The following ITIH6 variants were observed in gnomAD, a reference collection of about 807,000 sequenced individuals.
The protein encoded by ITIH6 is inter-alpha-trypsin inhibitor heavy chain H6.
ITIH6 carries 60 observed loss-of-function variants against 58.2 expected under a neutral mutation model. That is an observed-to-expected ratio of 1.03 (90% confidence interval 0.84 to 1.28). The LOEUF (loss-of-function observed/expected upper bound fraction) is 1.28, where lower values mean the gene tolerates loss of function less well. Among genes scored for constraint, ITIH6 ranks in the 50% most tolerant of loss-of-function variants. The pLI, the probability that ITIH6 is intolerant of heterozygous loss-of-function variation, is 0.00. For missense variants in ITIH6, 1,290 were observed against 1,021.1 expected (o/e 1.26, Z -3.59); for synonymous variants, 493 against 417.4 (o/e 1.18, Z -2.21).
chrX:54,767,602 G>A (rs1381496796), intron 6 of ITIH6, among the ~76,000 whole-genome samples: 13 of 100,589 alleles, frequency 1.3e-4, no homozygotes, highest in Admixed American at 4.3e-4. Flanking sequence ...CTTTGTTCTC[G>A]TTGGTTTCAA....
rs748238426 is a variant in ITIH6, at chrX:54,757,158, G to T, written c.2916C>A (p.Ser972Arg). 1 of 1,210,941 alleles carries T rather than the reference G, an allele frequency of 8.3e-7. No homozygotes were observed. Among genetic ancestry groups the T allele is most frequent in the East Asian group, 3.0e-5 (1 of 33,825 alleles). ...GGCTGCCTTCTGGTGTAGGCCTGGA[G>T]CTGTTGAGTAGGCTCATTGTTGGAA... ...PGVPTMSLLN[S>R]SRPTPEGSPP... The change falls in exon 8 of 13, where the codon AGC (serine) becomes AGA (arginine). Residue 972 changes from serine to arginine, a missense_variant. Ser to Arg is a moderately radical substitution (Grantham distance 110, BLOSUM62 -1). Transcript: ENST00000218436.
Position 54,753,982 on chromosome X carries a change from G to A in ITIH6, c.3203-17C>T, listed in dbSNP as rs1302595943. 8.3e-7 allele frequency: 1 copy of A among 1,204,541 alleles called. No individual in the cohort carries two copies. Among genetic ancestry groups the A allele is most frequent in the Admixed American group, 2.2e-5 (1 of 45,941 alleles). On this transcript the variant is annotated splice_polypyrimidine_tract_variant and intron_variant, in intron 9 of 12. Coordinates refer to ENST00000218436, the MANE Select transcript of ITIH6 (RefSeq NM_198510.3). ...GCAATGTGCCTGCAAAGGAGAGAGAGACTGTGTTGGGAAGGGACTAATGTA... is the reference window on the plus strand; with the variant it reads ...GCAATGTGCCTGCAAAGGAGAGAGAAACTGTGTTGGGAAGGGACTAATGTA...
chrX:54,792,995 C>T (rs535568649), intron 2 of ITIH6, among the ~76,000 whole-genome samples: 2 of 110,743 alleles, frequency 1.8e-5, no homozygotes, highest in East Asian at 5.7e-4. Context: ...CTTCTGTCCT[C>T]TATTCTTTCT....
intron 6 of ITIH6, among the ~76,000 whole-genome samples, chrX:54,771,173 T>C (rs751058083): frequency 1.8e-5 from 2 of 111,088 alleles, no homozygotes; most frequent in Admixed American, 9.6e-5. Context: ...GATTGTTTAG[T>C]ATTTATCCTG....
intron 8 of ITIH6, 116 bp downstream of exon 8, chrX:54,756,847 AGC>A (rs1191185161): frequency 8.7e-6 from 4 of 459,774 alleles, no homozygotes; most frequent in Non-Finnish European, 1.4e-5. Flanking sequence ...CAAGCAAGCA[AGC>A]AAGGAAGCAG....
chrX:54,765,672 C>T (rs1185776999), intron 6 of ITIH6, among the ~76,000 whole-genome samples: 7 of 105,501 alleles, frequency 6.6e-5, no homozygotes, highest in South Asian at 8.8e-4. Context: ...GGTGCAATCT[C>T]GGCTCACTGC....
In ITIH6 at chrX:54,791,150, A is replaced by G. The variant is rs1929342284; in HGVS notation, c.369-66T>C. On this transcript the variant is annotated intron_variant, in intron 3 of 12. Transcript: ENST00000218436. ...TTCAGAGGAGTACAGGGGCTGTTAGATGACCTAGTTTTGCTCCCCCCAACC... is the reference window on the plus strand; with the variant it reads ...TTCAGAGGAGTACAGGGGCTGTTAGGTGACCTAGTTTTGCTCCCCCCAACC... The G allele has an allele frequency of 8.9e-6, 10 of 1,127,053 alleles. No individual in the cohort carries two copies. The South Asian group carries it at 1.0e-4, about 12-fold the overall frequency. 92.9% of individuals were successfully genotyped at this position (1,127,053 alleles called of 1,213,427 possible).
At chrX:54,794,810 T>C (rs1292178414) in intron 2 of ITIH6, among the ~76,000 whole-genome samples, 1 of 111,235 alleles carries the variant, frequency 9.0e-6, no homozygotes, top group Non-Finnish European at 1.9e-5. Flanking sequence ...GTAAATCTGA[T>C]AGTCCCTCTA....
chrX:54,785,577 G>A (rs993413639), intron 5 of ITIH6, among the ~76,000 whole-genome samples: 1 of 111,015 alleles, frequency 9.0e-6, no homozygotes, highest in East Asian at 2.8e-4. Context: ...CTGCCTTCCC[G>A]GCCCATGAAT....
chrX:54,755,334 T>C (rs1052683912), intron 8 of ITIH6, among the ~76,000 whole-genome samples: 2 of 112,667 alleles, frequency 1.8e-5, no homozygotes, highest in Non-Finnish European at 3.7e-5. Context: ...CATTCATTCA[T>C]TCATTCAGGC....
chrX:54,778,107 AGAGATTGCAAT>A (rs1929085012), intron 5 of ITIH6, among the ~76,000 whole-genome samples: 3 of 111,903 alleles, frequency 2.7e-5, no homozygotes, highest in South Asian at 7.5e-4. Flanking sequence ...AAAGTAACAA[AGAGATTGCAAT>A]GAGATTGCAA....
rs998959078 is a variant in ITIH6, at chrX:54,754,920, C to T, written c.3202+97G>A. 20 of 619,562 alleles carry T rather than the reference C, an allele frequency of 3.2e-5. No homozygotes were observed. In the Admixed American group the frequency reaches 6.0e-4, roughly 19 times the overall value. The allele number at this position is 619,562 out of a possible 1,213,427, so 51.1% of individuals were successfully genotyped here. A position where few individuals can be genotyped will look rare whatever the true frequency, so the allele number is the denominator to read the frequency against. On this transcript the variant is annotated intron_variant, in intron 9 of 12. Transcript: ENST00000218436. ...GTTACACAACAATAGAAAACTAATA[C>T]ATTACTTCCCTCTGGTCTCCCACAA...
chrX:54,759,924 T>C lies in ITIH6; in HGVS notation c.907A>G (p.Lys303Glu), dbSNP rs1273815041. 9 of 1,202,757 alleles carry C rather than the reference T, an allele frequency of 7.5e-6. No homozygotes were observed. Among genetic ancestry groups the C allele is most frequent in the Non-Finnish European group, 9.0e-6 (8 of 890,002 alleles). ...CTGAGGATCACATTCATGGCCGTTT[T>C]AGTCTGTGGGATATGGATGAAATGA... Reference protein sequence around the residue: ...SMFGTKMEQTKTAMNVILSDL... With the variant: ...SMFGTKMEQTETAMNVILSDL... The change falls in exon 7 of 13, where the codon AAA becomes GAA. Residue 303 changes from lysine (K) to glutamate (E), a missense_variant. Lys to Glu is a moderately conservative substitution (Grantham distance 56). Transcript: ENST00000218436.
chrX:54,779,897 T>C (rs190657636), intron 5 of ITIH6, among the ~76,000 whole-genome samples: 5 of 111,487 alleles, frequency 4.5e-5, no homozygotes, highest in African/African-American at 1.6e-4. Flanking sequence ...GGAGGAGCCA[T>C]ACAGAGAAAA....
rs141262008 is a variant in ITIH6, at chrX:54,751,208, G to A, written c.3525C>T (p.Ser1175=). 21 of 1,210,438 alleles carry A rather than the reference G, an allele frequency of 1.7e-5. No individual in the cohort carries two copies. In the African/African-American group the frequency reaches 3.7e-4, roughly 21 times the overall value. ...SLRGEGTLRL[S]WDQPALLKRP... is the part of the protein sequence containing the mutation. ...TCTTCAGCAGGGCAGGTTGGTCCCAGGACAGGCGCAAGGTACCCTCGCCTC... is the reference window on the plus strand; with the variant it reads ...TCTTCAGCAGGGCAGGTTGGTCCCAAGACAGGCGCAAGGTACCCTCGCCTC... Residue 1175 remains serine, a synonymous_variant, in exon 12 of 13, where the codon TCC becomes TCT. Transcript: ENST00000218436.
intron 5 of ITIH6, among the ~76,000 whole-genome samples, chrX:54,776,060 C>T (rs761260409): frequency 3.8e-4 from 42 of 111,330 alleles, no homozygotes; most frequent in Admixed American, 1.1e-3. Context: ...CACGCCTACC[C>T]CACCCTCCAA....
At chrX:54,778,195 CTTTT>C (rs1333374493) in intron 5 of ITIH6, among the ~76,000 whole-genome samples, 3 of 92,429 alleles carry the variant, frequency 3.2e-5, no homozygotes, top group Non-Finnish European at 4.3e-5. Context: ...GCACCAGAGT[CTTTT>C]TTTTTTTTTT....
Position 54,796,985 on chromosome X carries a change from C to T in ITIH6, c.214G>A (p.Asp72Asn). 1.7e-6 allele frequency: 2 copies of T among 1,211,366 alleles called. No individual in the cohort carries two copies. Among genetic ancestry groups the T allele is most frequent in the Non-Finnish European group, 2.2e-6 (2 of 895,160 alleles). ...AAGGCAAGATGAGGCAGATCCAGGT[C>T]AAAGATGGCTTCATGGGCTTCAGCA... ...PHAEAHEAIF[D>N]LDLPHLAFIS... The change falls in exon 2 of 13, where the codon GAC (aspartate) becomes AAC (asparagine). Residue 72 changes from aspartate to asparagine, a missense_variant. Transcript: ENST00000218436.
chrX:54,789,248 C>T (rs1926278485), intron 4 of ITIH6, among the ~76,000 whole-genome samples: 1 of 111,731 alleles, frequency 9.0e-6, no homozygotes, highest in Non-Finnish European at 1.9e-5. Flanking sequence ...TCTCTAGTCC[C>T]GGATGTTTGC....
Sources: allele counts gnomAD v4.1 joint callset (sites outside exome capture counted in the v4.1 genomes callset), GRCh38; gene constraint gnomAD v4.1.1; transcripts MANE v1.5; gene names NCBI Gene and HGNC (gene_info 2026-07-23, HGNC 2026-07-21).